SERPINB6: variants seen among roughly 807,000 people sequenced by gnomAD.
SERPINB6 encodes the protein serpin B6.
In SERPINB6, 16 loss-of-function variants were observed where a neutral mutation model predicts 26.1. The ratio of observed to expected loss-of-function variants is 0.61; its 90% CI spans 0.42 to 0.93. The LOEUF (loss-of-function observed/expected upper bound fraction) is 0.93. Among genes scored for constraint, SERPINB6 ranks in the 40% least tolerant of loss-of-function variants. The pLI is 0.00. For missense variants in SERPINB6, 420 were observed against 478.0 expected (o/e 0.88, Z 1.13); for synonymous variants, 174 against 176.6 (o/e 0.99, Z 0.11).
In SERPINB6 at chr6:2,967,273, C is replaced by T; in HGVS notation, c.-11+4260G>A. The T allele has an allele frequency of 1.0e-6, 1 of 964,886 alleles. No homozygotes were observed. Among genetic ancestry groups the T allele is most frequent in the Non-Finnish European group, 1.2e-6 (1 of 811,408 alleles). The allele number at this position is 964,886 out of a possible 1,614,324, so 59.8% of individuals were successfully genotyped here. A position where few individuals can be genotyped will look rare whatever the true frequency, so the allele number is the denominator to read the frequency against. On this transcript the variant is annotated intron_variant, in intron 1 of 6. Coordinates refer to ENST00000380539, the MANE Select transcript of SERPINB6 (RefSeq NM_004568.6). This position sits in a 1 kb window ranked among gnomAD's most constrained non-coding sequence, Gnocchi z 4.3. ...AAACTGGACCCCTTCCTTACATACA[C>T]CATGTACAAAAATCAACTCAAGATG... is the stretch of plus-strand genomic sequence containing the variant.
At chr6:2,957,478 G>A (rs561365548) in intron 2 of SERPINB6, 47 of 152,372 alleles carry the variant, frequency 3.1e-4, no homozygotes, top group African/African-American at 1.1e-3. Flanking sequence ...CCCAGACACT[G>A]GCCTCAAGGG....
rs766711989 is a variant in SERPINB6 at position 2,954,623 on chromosome 6, G to A, written c.399C>T (p.His133=). ...FISAVEKSRK[H]INTWVAEKTE... The stretch of plus-strand genomic sequence containing the variant: ...TCTTTTCAGCTACCCAGGTGTTTAT[G>A]TGTTTTCTGGACTTCTCTACGGCGC... The change falls in exon 4 of 7, where the codon CAC becomes CAT. Residue 133 remains histidine, a synonymous_variant. Coordinates refer to ENST00000380539, the MANE Select transcript of SERPINB6 (RefSeq NM_004568.6). The A allele has an allele frequency of 3.7e-6, 6 of 1,613,836 alleles. No homozygotes were observed. The South Asian group carries it at 6.6e-5, about 18-fold the overall frequency.
chr6:2,969,649 G>C, intron 1 of SERPINB6: 1 of 984,706 alleles, frequency 1.0e-6, no homozygotes, highest in Non-Finnish European at 1.2e-6. Context: ...CTATTGAATT[G>C]TGCTTCTCAA....
At chr6:2,970,034 C>T (rs1416994258) in intron 1 of SERPINB6, 10 of 967,886 alleles carry the variant, frequency 1.0e-5, no homozygotes, top group African/African-American at 3.7e-5. Context: ...CAGCCGAAAT[C>T]GCACCACTGC....
chr6:2,962,993 A>C (rs901739366), intron 1 of SERPINB6, among the ~76,000 whole-genome samples: 1 of 152,236 alleles, frequency 6.6e-6, no homozygotes, highest in Non-Finnish European at 1.5e-5. Context: ...AGTTCTGGCA[A>C]AGGCAAATAC....
At chr6:2,968,623 C>G in intron 1 of SERPINB6, 1 of 1,221,768 alleles carries the variant, frequency 8.2e-7, no homozygotes, top group Non-Finnish European at 1.0e-6. Context: ...CCTGCGCTGC[C>G]TATCTCTGGG....
intron 1 of SERPINB6, chr6:2,961,070 C>G (rs760291050): frequency 6.6e-6 from 1 of 152,234 alleles, no homozygotes; most frequent in Non-Finnish European, 1.5e-5. Context: ...CCTGCGGAAC[C>G]CATTTCCAAC....
chr6:2,953,135 A>T lies in SERPINB6; in HGVS notation c.482T>A (p.Leu161Gln). ...SPGSVDPLTR[L>Q]VLVNAVYFRG... ...GAAATAGACAGCATTCACCAGAACC[A>T]GCCTTGTCAATGGATCCACTGAGCC... The change falls in exon 5 of 7, where the codon CTG becomes CAG. Residue 161 changes from leucine (L) to glutamine (Q), a missense_variant. Transcript: ENST00000380539. The T allele has an allele frequency of 6.2e-7, 1 of 1,614,208 alleles. No individual in the cohort carries two copies. Among genetic ancestry groups the T allele is most frequent in the Non-Finnish European group, 8.5e-7 (1 of 1,180,022 alleles).
At chr6:2,970,907 T>G in intron 1 of SERPINB6, 3 of 1,229,940 alleles carry the variant, frequency 2.4e-6, no homozygotes, top group Non-Finnish European at 3.0e-6. Flanking sequence ...CTGGGCGACC[T>G]GAAAGTGCTG....
At chr6:2,949,367 C>G (rs965002746) in intron 5 of SERPINB6, among the ~76,000 whole-genome samples, 1 of 152,226 alleles carries the variant, frequency 6.6e-6, no homozygotes, top group Admixed American at 6.5e-5. Flanking sequence ...TGTCCTTGGG[C>G]CTCCTGCATT....
chr6:2,953,101 G>T lies in SERPINB6; in HGVS notation c.516C>A (p.Asn172Lys). Residue 172 changes from asparagine to lysine, a missense_variant, in exon 5 of 7, where the codon AAC becomes AAA. Transcript: ENST00000380539. ...VLVNAVYFRG[N>K]WDEQFDKENT... Reference sequence around the variant, plus strand: ...TCTCCTTGTCAAACTGTTCATCCCAGTTTCCTCTGAAATAGACAGCATTCA... The same window carrying T: ...TCTCCTTGTCAAACTGTTCATCCCATTTTCCTCTGAAATAGACAGCATTCA... 1.2e-6 allele frequency: 2 copies of T among 1,614,236 alleles called. No homozygotes were observed. The highest frequency in any genetic ancestry group is 1.7e-6 in the Non-Finnish European group (2 of 1,180,048).
At position 2,961,967 on chromosome 6, in the gene SERPINB6, C is replaced by T. The variant is rs1258190218; in HGVS notation, c.-10-2625G>A. 6 of 984,662 alleles carry T rather than the reference C, an allele frequency of 6.1e-6. No homozygotes were observed. In the Admixed American group the frequency reaches 3.7e-4, roughly 61 times the overall value. 61.0% of individuals were successfully genotyped at this position (984,662 alleles called of 1,614,324 possible). Reference sequence around the variant, plus strand: ...TCTCCAACGCCTGGCCTCAAGTGATCTTCCTGCCTCAGCCTCCCAAGGTGC... The same window carrying T: ...TCTCCAACGCCTGGCCTCAAGTGATTTTCCTGCCTCAGCCTCCCAAGGTGC... On this transcript the variant is annotated intron_variant, in intron 1 of 6. Transcript: ENST00000380539.
intron 1 of SERPINB6, chr6:2,968,361 G>T: frequency 2.4e-6 from 1 of 417,620 alleles, no homozygotes; most frequent in Non-Finnish European, 3.2e-6. Flanking sequence ...ACTAGGCTTA[G>T]TACCTGGGGG....
In SERPINB6 at chr6:2,965,161, T is replaced by TC. The variant is rs1308546335; in HGVS notation, c.-10-5820dup. ...ATTTGCCTTATATTAATAGTGCCTT[T>TC]CCCCCCTTTCCTTAGTTTTCTATGT... On this transcript the variant is annotated intron_variant, in intron 1 of 6. Transcript: ENST00000380539. Among the ~76,000 whole-genome samples the TC allele has an allele frequency of 2.6e-5, 4 of 152,220 alleles. No homozygotes were observed. The East Asian group carries it at 7.7e-4, about 29-fold the overall frequency.
chr6:2,970,694 AC>A, intron 1 of SERPINB6: 1 of 1,169,318 alleles, frequency 8.6e-7, no homozygotes, highest in East Asian at 3.4e-5. Flanking sequence ...AATTTTCTGT[AC>A]CTCAGTTTTC....
chr6:2,955,387 A>T lies in SERPINB6; in HGVS notation c.312+137T>A. 3 of 971,258 alleles carry T rather than the reference A, an allele frequency of 3.1e-6. No individual in the cohort carries two copies. In the South Asian group the frequency reaches 4.0e-5, roughly 13 times the overall value. The allele number at this position is 971,258 out of a possible 1,614,324, so 60.2% of individuals were successfully genotyped here. ...TTGAAATGCAGAGAATTTAAAACAT[A>T]TTGGCAGGTGAAAAGAAATTACAAA... On this transcript the variant is annotated intron_variant, in intron 3 of 6. Transcript: ENST00000380539.
intron 2 of SERPINB6, 78 bp downstream of exon 2, chr6:2,959,090 C>A (rs573987763): frequency 1.3e-6 from 2 of 1,572,236 alleles, no homozygotes; most frequent in Admixed American, 3.3e-5. Flanking sequence ...CCGTCTCGAG[C>A]GATCCCTTTG....
chr6:2,953,091 G>C lies in SERPINB6; in HGVS notation c.526C>G (p.Gln176Glu), dbSNP rs1403621401. The C allele has an allele frequency of 6.2e-7, 1 of 1,614,240 alleles. No homozygotes were observed. The highest frequency in any genetic ancestry group is 8.5e-7 in the Non-Finnish European group (1 of 1,180,042). Residue 176 changes from glutamine (Q) to glutamate (E), a missense_variant, in exon 5 of 7, where the codon CAG (glutamine) becomes GAG (glutamate). Gln to Glu is a conservative substitution (Grantham distance 29). Coordinates refer to ENST00000380539, the MANE Select transcript of SERPINB6 (RefSeq NM_004568.6). ...TCCTCGGTGTTCTCCTTGTCAAACT[G>C]TTCATCCCAGTTTCCTCTGAAATAG... The part of the protein sequence containing the change: ...AVYFRGNWDE[Q>E]FDKENTEERL...
In SERPINB6 at chr6:2,952,986, C is replaced by T. The variant is rs375449234; in HGVS notation, c.573+58G>A. 3.1e-6 allele frequency: 5 copies of T among 1,611,114 alleles called. No individual in the cohort carries two copies. The East Asian group carries it at 6.7e-5, about 22-fold the overall frequency. On this transcript the variant is annotated intron_variant, in intron 5 of 6. Coordinates refer to ENST00000380539, the MANE Select transcript of SERPINB6 (RefSeq NM_004568.6). ...CCACGGCTGCAGACGCGGGAGGCCC[C>T]GAGCCGGAGACGCTCGTGTGAACAC...
Sources: gnomAD v4.1 joint callset for allele counts (sites outside exome capture counted in the v4.1 genomes callset) on GRCh38, gnomAD v4.1.1 for gene constraint, Gnocchi (gnomAD v3.1) non-coding constraint, MANE v1.5 for transcripts, NCBI Gene and HGNC (gene_info 2026-07-23, HGNC 2026-07-21) for gene names.